The following DPP10 variants were observed in gnomAD, a reference collection of about 807,000 sequenced individuals.
DPP10 encodes dipeptidyl peptidase like 10.
Under a neutral mutation model 120.9 loss-of-function variants are expected in DPP10, and 33 were observed. The ratio of observed to expected loss-of-function variants is 0.27; its 90% confidence interval spans 0.21 to 0.37. DPP10 has a LOEUF of 0.37. Among genes scored for constraint, DPP10 ranks in the 10% least tolerant of loss-of-function variants. The pLI is 1.00. For missense variants in DPP10, 816 were observed against 942.8 expected, an observed-to-expected ratio of 0.87 and a Z score of 1.76; for synonymous variants, 337 against 326.1, an observed-to-expected ratio of 1.03 and a Z score of -0.36.
At chr2:114,861,929 AT>A (rs1300267867) in intron 1 of DPP10, among the ~76,000 whole-genome samples, 1 of 152,114 alleles carries the variant, frequency 6.6e-6, no homozygotes, top group Non-Finnish European at 1.5e-5. Context: ...GAAAAGAGAG[AT>A]TTTGTCTCCA....
At chr2:115,828,619 G>C (rs1243996223) in intron 21 of DPP10, among the ~76,000 whole-genome samples, 1 of 151,796 alleles carries the variant, frequency 6.6e-6, no homozygotes, top group Non-Finnish European at 1.5e-5. Flanking sequence ...CATTCTTCAA[G>C]GTAGCAAGCT....
intron 1 of DPP10, among the ~76,000 whole-genome samples, chr2:114,565,241 C>T (rs150612285): frequency 6.6e-6 from 1 of 152,188 alleles, no homozygotes; most frequent in South Asian, 2.1e-4. Flanking sequence ...TTTTCTTTTG[C>T]ACAACAGCTG....
chr2:114,905,297 A>T (rs1048991544), intron 1 of DPP10, among the ~76,000 whole-genome samples: 1 of 152,082 alleles, frequency 6.6e-6, no homozygotes, highest in Non-Finnish European at 1.5e-5. Flanking sequence ...AACAATAATA[A>T]ATATCTTGAT....
Position 114,499,643 on chromosome 2 carries a change from C to A in DPP10, c.60+56805C>A, listed in dbSNP as rs192629401. Among the ~76,000 whole-genome samples, 6 of 151,822 alleles carry A rather than the reference C, an allele frequency of 4.0e-5. No individual in the cohort carries two copies. In the East Asian group the frequency reaches 1.2e-3, roughly 29 times the overall value. On this transcript the variant is annotated intron_variant, in intron 1 of 25. Coordinates refer to ENST00000410059, the MANE Select transcript of DPP10 (RefSeq NM_020868.6). ...AGAGCCATAGGCTAAGATGATAGGA[C>A]CCACAATTTTCTTAGTGTCTGGTAG...
chr2:115,161,865 A>C (rs2104968043), intron 1 of DPP10: 29 of 987,646 alleles, frequency 2.9e-5, no homozygotes, highest in East Asian at 6.8e-5. Context: ...TCCGGGAGCG[A>C]CGGGCGCCCG....
intron 1 of DPP10, among the ~76,000 whole-genome samples, chr2:114,479,493 T>C (rs1680819004): frequency 6.6e-6 from 1 of 151,960 alleles, no homozygotes; most frequent in South Asian, 2.1e-4. Flanking sequence ...AAAGATAGCC[T>C]TTTCAACAAA....
chr2:114,889,614 C>T (rs1292468774), intron 1 of DPP10, among the ~76,000 whole-genome samples: 2 of 151,872 alleles, frequency 1.3e-5, no homozygotes, highest in African/African-American at 2.4e-5. Context: ...TTTCATAAGG[C>T]TATTTTTTAT....
chr2:115,406,276 G>T (rs1376466998), intron 3 of DPP10, among the ~76,000 whole-genome samples: 1 of 152,152 alleles, frequency 6.6e-6, no homozygotes, highest in East Asian at 1.9e-4. Flanking sequence ...TCCATCTGAG[G>T]TCTCATCTGA....
chr2:115,604,993 A>G (rs1328093491), intron 5 of DPP10, among the ~76,000 whole-genome samples: 3 of 152,214 alleles, frequency 2.0e-5, no homozygotes, highest in African/African-American at 4.8e-5. Context: ...GTTATAACTT[A>G]CTGCATAAAG....
At chr2:115,465,476 C>T (rs1011290229) in intron 3 of DPP10, among the ~76,000 whole-genome samples, 9 of 151,990 alleles carry the variant, frequency 5.9e-5, no homozygotes, top group African/African-American at 2.2e-4. Flanking sequence ...ATATCCTTGC[C>T]CAACTGTGGA....
chr2:115,467,701 A>G (rs1302571684), intron 3 of DPP10, among the ~76,000 whole-genome samples: 2 of 152,196 alleles, frequency 1.3e-5, no homozygotes, highest in Non-Finnish European at 2.9e-5. Context: ...AGTACAAGGC[A>G]TCTGGAATTA....
intron 1 of DPP10, among the ~76,000 whole-genome samples, chr2:114,954,167 G>A (rs1242176583): frequency 5.7e-5 from 8 of 140,262 alleles, no homozygotes; most frequent in East Asian, 2.2e-4. Context: ...TGCAAGCTCC[G>A]CCTCCCAGGT....
At chr2:115,665,766 C>T (rs551657213) in intron 5 of DPP10, among the ~76,000 whole-genome samples, 1 of 152,196 alleles carries the variant, frequency 6.6e-6, no homozygotes, top group African/African-American at 2.4e-5. Context: ...TGAGTAATTT[C>T]CACTAACCTA....
intron 5 of DPP10, among the ~76,000 whole-genome samples, chr2:115,680,035 GA>G (rs1226281099): frequency 2.6e-5 from 4 of 152,014 alleles, no homozygotes; most frequent in African/African-American, 9.6e-5. Flanking sequence ...TGTTTTAGGT[GA>G]TGAGTATGCT....
At chr2:115,215,316 T>A (rs188595396) in intron 1 of DPP10, among the ~76,000 whole-genome samples, 2 of 152,322 alleles carry the variant, frequency 1.3e-5, no homozygotes, top group Non-Finnish European at 2.9e-5. Context: ...AATGAATTTT[T>A]AAATTTATTT....
chr2:115,683,052 G>A (rs2090761721), intron 5 of DPP10, among the ~76,000 whole-genome samples: 1 of 151,708 alleles, frequency 6.6e-6, no homozygotes, highest in Non-Finnish European at 1.5e-5. Flanking sequence ...GTTTTGTTTT[G>A]CTTTTTAATT....
At chr2:115,194,069 T>G (rs572367535) in intron 1 of DPP10, among the ~76,000 whole-genome samples, 1 of 152,328 alleles carries the variant, frequency 6.6e-6, no homozygotes, top group East Asian at 1.9e-4. Context: ...AAGCTACTTT[T>G]TGGCTTTCTG....
rs192910788 is a variant in DPP10 at position 114,545,956 on chromosome 2, C to T, written c.60+103118C>T. 1.3e-3 allele frequency among the ~76,000 whole-genome samples: 201 copies of T among 152,144 alleles called. 1 individual carries two copies. The highest frequency in any genetic ancestry group is 4.3e-3 in the African/African-American group (179 of 41,448). Reference sequence around the variant, plus strand: ...TGTGCCTTGAATTGTGTATGAAATTCTACTTTAAAACAGATTCCTGGTTTA... The same window carrying T: ...TGTGCCTTGAATTGTGTATGAAATTTTACTTTAAAACAGATTCCTGGTTTA... On this transcript the variant is annotated intron_variant, in intron 1 of 25. Transcript: ENST00000410059.
intron 1 of DPP10, among the ~76,000 whole-genome samples, chr2:114,909,889 A>T (rs1335950473): frequency 6.6e-6 from 1 of 151,974 alleles, no homozygotes; most frequent in African/African-American, 2.4e-5. Flanking sequence ...CTAAAAAAAT[A>T]AGCCGCTATA....
Sources: gnomAD v4.1 joint callset for allele counts (sites outside exome capture counted in the v4.1 genomes callset) on GRCh38, gnomAD v4.1.1 for gene constraint, MANE v1.5 for transcripts, NCBI Gene and HGNC (gene_info 2026-07-23, HGNC 2026-07-21) for gene names.